UBR1: variants seen among roughly 807,000 people sequenced by gnomAD.
UBR1 encodes the protein ubiquitin protein ligase E3 component n-recognin 1.
In UBR1, 102 loss-of-function variants were observed where a neutral mutation model predicts 242.1. That is an observed-to-expected ratio of 0.42 (90% CI 0.36 to 0.50). The LOEUF (loss-of-function observed/expected upper bound fraction) is 0.50. UBR1 is among the 20% of genes least tolerant of loss of function. UBR1 has a pLI of 0.01. For missense variants in UBR1, 1,772 were observed against 2,101.8 expected (o/e 0.84, Z 3.07); for synonymous variants, 675 against 684.8 (o/e 0.99, Z 0.22).
chr15:43,014,677 G>A (rs866942666), intron 29 of UBR1, among the ~76,000 whole-genome samples: 15 of 151,782 alleles, frequency 9.9e-5, no homozygotes, highest in Non-Finnish European at 1.6e-4. Flanking sequence ...GAGCCCCTCC[G>A]CCCAGCAGCC....
intron 43 of UBR1, among the ~76,000 whole-genome samples, chr15:42,959,688 C>T (rs2031982373): frequency 1.3e-5 from 2 of 152,164 alleles, no homozygotes; most frequent in East Asian, 1.9e-4. Context: ...ATATCTTAAA[C>T]TTTTCTTTTT....
Position 43,015,808 on chromosome 15 carries a change from C to A in UBR1, c.3089G>T (p.Arg1030Leu). 1 of 1,614,140 alleles carries A rather than the reference C, an allele frequency of 6.2e-7. No homozygotes were observed. Among genetic ancestry groups the A allele is most frequent in the Non-Finnish European group, 8.5e-7 (1 of 1,180,026 alleles). ...AGACATCTGAGCCATGATCTTCTGG[C>A]GATGTAGCCTAGCAGCTTCAGCTTT... The part of the protein sequence containing the change: ...KRKAEAARLH[R>L]QKIMAQMSAL... The change falls in exon 29 of 47, where the codon CGC becomes CTC. Residue 1030 changes from arginine to leucine, a missense_variant. Transcript: ENST00000290650.
chr15:43,060,763 C>T (rs910023296), intron 6 of UBR1, among the ~76,000 whole-genome samples: 5 of 152,012 alleles, frequency 3.3e-5, no homozygotes, highest in African/African-American at 1.2e-4. Flanking sequence ...GTTAATTTGT[C>T]CCCCAATCAG....
At chr15:42,967,370 A>C (rs1305734216) in intron 40 of UBR1, among the ~76,000 whole-genome samples, 2 of 151,432 alleles carry the variant, frequency 1.3e-5, no homozygotes, top group Non-Finnish European at 2.9e-5. Flanking sequence ...GCCTAAAATA[A>C]AGTATATTCT....
At chr15:43,027,314 T>C (rs1167575765) in intron 22 of UBR1, among the ~76,000 whole-genome samples, 1 of 152,076 alleles carries the variant, frequency 6.6e-6, no homozygotes, top group Non-Finnish European at 1.5e-5. Context: ...CAAGTAGAAA[T>C]TCACTATCAG....
Position 43,032,710 on chromosome 15 carries a change from A to G in UBR1, c.2191-79T>C, listed in dbSNP as rs916467755. 20 of 846,496 alleles carry G rather than the reference A, an allele frequency of 2.4e-5. No homozygotes were observed. In the African/African-American group the frequency reaches 3.2e-4, roughly 14 times the overall value. 52.4% of individuals were successfully genotyped at this position (846,496 alleles called of 1,614,324 possible). A position where few individuals can be genotyped will look rare whatever the true frequency, so the allele number is the denominator to read the frequency against. On this transcript the variant is annotated intron_variant, in intron 19 of 46. Coordinates refer to ENST00000290650, the MANE Select transcript of UBR1 (RefSeq NM_174916.3). ...AAACATGCATTTCTGGACGAGACTC[A>G]TGGTCCATCCAGCCTAGTATTTTTC...
intron 1 of UBR1, among the ~76,000 whole-genome samples, chr15:43,101,990 A>AC (rs1190816882): frequency 1.7e-4 from 26 of 149,902 alleles, no homozygotes; most frequent in African/African-American, 6.1e-4. Flanking sequence ...AAAAAAAAAA[A>AC]AAAGCCAGGC....
intron 2 of UBR1, among the ~76,000 whole-genome samples, chr15:43,084,552 G>A (rs1264870892): frequency 1.3e-5 from 2 of 152,170 alleles, no homozygotes; most frequent in Non-Finnish European, 2.9e-5. Context: ...TGTCTCCCGG[G>A]TTCAAGCAAT....
Position 43,032,624 on chromosome 15 carries a change from A to C in UBR1, c.2198T>G (p.Ile733Ser), listed in dbSNP as rs778076371. Reference sequence around the variant, plus strand: ...TTCTATTAGTGTATTATATTGTTTAATCAAATCCTATAGAATCGAAAAAGA... The same window carrying C: ...TTCTATTAGTGTATTATATTGTTTACTCAAATCCTATAGAATCGAAAAAGA... ...KTISTKDQDL[I>S]KQYNTLIEEM... The change falls in exon 20 of 47, where the codon ATT (isoleucine) becomes AGT (serine). Residue 733 changes from isoleucine (I) to serine (S), a missense_variant. Physicochemically the swap from Ile to Ser is moderately radical, Grantham distance 142 (BLOSUM62 -2). Transcript: ENST00000290650. 6.6e-7 allele frequency: 1 copy of C among 1,514,272 alleles called. No individual in the cohort carries two copies. The highest frequency in any genetic ancestry group is 1.1e-5 in the South Asian group (1 of 87,822). 93.8% of individuals were successfully genotyped at this position (1,514,272 alleles called of 1,614,324 possible). A position where few individuals can be genotyped will look rare whatever the true frequency, so the allele number is the denominator to read the frequency against.
intron 44 of UBR1, among the ~76,000 whole-genome samples, chr15:42,957,430 G>T (rs2031941013): frequency 6.6e-6 from 1 of 152,150 alleles, no homozygotes; most frequent in African/African-American, 2.4e-5. Flanking sequence ...AAACTAAAGA[G>T]GTGGTGATTG....
intron 43 of UBR1, among the ~76,000 whole-genome samples, 159 bp downstream of exon 43, chr15:42,960,486 T>C (rs2031996650): frequency 6.6e-6 from 1 of 152,114 alleles, no homozygotes; most frequent in African/African-American, 2.4e-5. Flanking sequence ...AAAACATTTG[T>C]AGGAAGAATC....
At chr15:42,945,885 A>AG (rs2031725173) in intron 46 of UBR1, among the ~76,000 whole-genome samples, 1 of 152,124 alleles carries the variant, frequency 6.6e-6, no homozygotes. Context: ...CTAAAATTAT[A>AG]TTTTGCTACT....
intron 21 of UBR1, among the ~76,000 whole-genome samples, chr15:43,028,390 A>G (rs1234984515): frequency 6.6e-6 from 1 of 152,172 alleles, no homozygotes; most frequent in African/African-American, 2.4e-5. Context: ...TAGTCAAACT[A>G]CTACAGTAAG....
chr15:43,081,875 G>T (rs2033978823), intron 3 of UBR1, among the ~76,000 whole-genome samples: 1 of 151,506 alleles, frequency 6.6e-6, no homozygotes, highest in African/African-American at 2.4e-5. Context: ...ACACATAAAG[G>T]CATTTACTGT....
At chr15:42,958,181 A>ACGGCT in intron 43 of UBR1, 91 bp from the exon 44 acceptor site, 1 of 890,568 alleles carries the variant, frequency 1.1e-6, no homozygotes, top group Non-Finnish European at 1.8e-6. Context: ...TCTTAAAAAT[A>ACGGCT]ACAAAAGGAT....
chr15:43,051,243 G>GA (rs1186126027), intron 12 of UBR1, among the ~76,000 whole-genome samples: 8 of 152,178 alleles, frequency 5.3e-5, no homozygotes, highest in Non-Finnish European at 1.0e-4. Context: ...TATACAGCCA[G>GA]AAAAAGAATG....
intron 45 of UBR1, among the ~76,000 whole-genome samples, chr15:42,951,686 T>C (rs557783986): frequency 6.6e-5 from 10 of 152,294 alleles, no homozygotes; most frequent in Admixed American, 6.5e-4. Flanking sequence ...TAGAATGCAA[T>C]GGCACGATCA....
chr15:43,048,100 T>C (rs1386934769), intron 13 of UBR1, among the ~76,000 whole-genome samples: 3 of 151,458 alleles, frequency 2.0e-5, no homozygotes, highest in East Asian at 1.9e-4. Flanking sequence ...GGCAGGAGAA[T>C]CGCTTGAACC....
Position 43,047,062 on chromosome 15 carries a change from TA to T in UBR1, c.1668+98del, listed in dbSNP as rs2033495416. ...ATATGTAAAAAGCTACTATAAATAA[TA>T]AAAACTTTACATCAAGGAAGCTGCA... On this transcript the variant is annotated intron_variant, in intron 14 of 46. Transcript: ENST00000290650. The T allele has an allele frequency of 5.7e-6, 8 of 1,404,246 alleles. No individual in the cohort carries two copies. In the Admixed American group the frequency reaches 1.5e-4, roughly 26 times the overall value. The allele number at this position is 1,404,246 out of a possible 1,614,324, so 87.0% of individuals were successfully genotyped here.
Sources: gnomAD v4.1 joint callset for allele counts (sites outside exome capture counted in the v4.1 genomes callset) on GRCh38, gnomAD v4.1.1 for gene constraint, MANE v1.5 for transcripts, NCBI Gene and HGNC (gene_info 2026-07-23, HGNC 2026-07-21) for gene names.